PRDM16: variants seen among roughly 807,000 people sequenced by gnomAD.
PRDM16 encodes PR/SET domain 16.
PRDM16 carries 23 observed loss-of-function variants against 110.6 expected under a neutral mutation model. The observed-to-expected ratio is 0.21, with a 90% CI of 0.15 to 0.29. PRDM16 has a LOEUF of 0.29. PRDM16 is among the 10% of genes least tolerant of loss of function. The pLI is 1.00. For missense variants in PRDM16, 1,615 were observed against 1,794.3 expected (o/e 0.90, Z 1.81); for synonymous variants, 799 against 781.8 (o/e 1.02, Z -0.37).
At chr1:3,404,951 C>G (rs1643535161) in intron 7 of PRDM16, 65 bp downstream of exon 7, 3 of 1,544,712 alleles carry the variant, frequency 1.9e-6, no homozygotes, top group Non-Finnish European at 1.7e-6. Flanking sequence ...GGCGCCCGCC[C>G]CCGTGCTCCC....
intron 1 of PRDM16, among the ~76,000 whole-genome samples, chr1:3,147,032 G>A (rs1052332519): frequency 3.5e-4 from 42 of 120,994 alleles, no homozygotes; most frequent in East Asian, 9.7e-4. Flanking sequence ...GTGTGTGCTC[G>A]GTGTGGGGTG....
At position 3,382,849 on chromosome 1, in the gene PRDM16, C is replaced by T. The variant is rs538775898; in HGVS notation, c.439-2303C>T. 1.2e-4 allele frequency among the ~76,000 whole-genome samples: 18 copies of T among 152,330 alleles called. No individual in the cohort carries two copies. The highest frequency in any genetic ancestry group is 3.4e-4 in the African/African-American group (14 of 41,570). ...AGGCACTGTGTACAATGTGCTGTGA[C>T]GTCAGCAGGCCTCTATGGAGAAGTG... On this transcript the variant is annotated intron_variant, in intron 3 of 16. Transcript: ENST00000270722. This position sits in a 1 kb window ranked among gnomAD's most constrained non-coding sequence, Gnocchi z 6.6.
chr1:3,361,665 C>T (rs1642715851), intron 3 of PRDM16, among the ~76,000 whole-genome samples: 1 of 152,170 alleles, frequency 6.6e-6, no homozygotes, highest in Non-Finnish European at 1.5e-5. Flanking sequence ...TGGAGAAGAC[C>T]CCACATGGGC....
intron 4 of PRDM16, among the ~76,000 whole-genome samples, chr1:3,395,193 G>A (rs1643367213): frequency 6.6e-6 from 1 of 151,842 alleles, no homozygotes; most frequent in Non-Finnish European, 1.5e-5. Flanking sequence ...GGGACATGGG[G>A]GAGGAGCATG....
chr1:3,420,835 C>G (rs1638405469), intron 12 of PRDM16, among the ~76,000 whole-genome samples: 1 of 152,136 alleles, frequency 6.6e-6, no homozygotes, highest in Non-Finnish European at 1.5e-5. Context: ...AGGGGCTGCT[C>G]CTTGGTCTTC....
chr1:3,331,744 TG>T (rs1331265163), intron 3 of PRDM16, among the ~76,000 whole-genome samples: 1 of 152,214 alleles, frequency 6.6e-6, no homozygotes, highest in African/African-American at 2.4e-5. Flanking sequence ...GCTCCTGGGC[TG>T]CGTCCTGGGC....
chr1:3,324,753 G>A (rs1274174190), intron 3 of PRDM16, among the ~76,000 whole-genome samples: 1 of 144,974 alleles, frequency 6.9e-6, no homozygotes, highest in Admixed American at 6.9e-5. Flanking sequence ...CCTTGATTCC[G>A]TCATCACCCC....
chr1:3,204,055 G>A (rs1638693719), intron 2 of PRDM16, among the ~76,000 whole-genome samples: 1 of 152,240 alleles, frequency 6.6e-6, no homozygotes, highest in Admixed American at 6.5e-5. Flanking sequence ...TATAGGTCCA[G>A]AAGTGATTAG....
At chr1:3,093,563 C>G (rs958268223) in intron 1 of PRDM16, among the ~76,000 whole-genome samples, 5 of 152,150 alleles carry the variant, frequency 3.3e-5, no homozygotes, top group Admixed American at 1.3e-4. Flanking sequence ...GGCATCTCCA[C>G]TGTGTGTCTG....
intron 2 of PRDM16, among the ~76,000 whole-genome samples, chr1:3,224,771 G>C (rs1334109414): frequency 6.6e-6 from 1 of 152,250 alleles, no homozygotes. Context: ...TGTGAAGCCA[G>C]GCGGGAGGAT....
At chr1:3,344,146 G>C (rs904181078) in intron 3 of PRDM16, among the ~76,000 whole-genome samples, 7 of 152,038 alleles carry the variant, frequency 4.6e-5, no homozygotes, top group Admixed American at 4.6e-4. Context: ...AGACCAGCCT[G>C]GACAACATAA....
At chr1:3,289,955 C>T (rs992337514) in intron 3 of PRDM16, among the ~76,000 whole-genome samples, 16 of 151,836 alleles carry the variant, frequency 1.1e-4, no homozygotes, top group Non-Finnish European at 2.2e-4. Flanking sequence ...ACCTCAATCC[C>T]TCCAGGGCAC....
intron 2 of PRDM16, among the ~76,000 whole-genome samples, chr1:3,192,143 T>C (rs1397312903): frequency 6.6e-6 from 1 of 152,202 alleles, no homozygotes; most frequent in Admixed American, 6.5e-5. Context: ...CAGGAGATTG[T>C]GTGTGAGCTT....
intron 2 of PRDM16, among the ~76,000 whole-genome samples, chr1:3,219,993 G>A (rs1454623388): frequency 1.3e-5 from 2 of 152,190 alleles, no homozygotes; most frequent in Non-Finnish European, 2.9e-5. Context: ...TTGGCGCTGA[G>A]GTAATAATGA....
intron 1 of PRDM16, among the ~76,000 whole-genome samples, chr1:3,103,825 G>C (rs1229789146): frequency 6.6e-6 from 1 of 152,116 alleles, no homozygotes; most frequent in Non-Finnish European, 1.5e-5. Context: ...GATTTCAAGA[G>C]AATAAAATCC....
chr1:3,110,954 C>T (rs1642777855), intron 1 of PRDM16, among the ~76,000 whole-genome samples: 1 of 152,310 alleles, frequency 6.6e-6, no homozygotes, highest in African/African-American at 2.4e-5. Flanking sequence ...CCAGAGATTG[C>T]CCGGTTCTGG....
intron 3 of PRDM16, among the ~76,000 whole-genome samples, chr1:3,344,751 T>A (rs1421184890): frequency 6.6e-6 from 1 of 152,150 alleles, no homozygotes; most frequent in African/African-American, 2.4e-5. Flanking sequence ...CTTTATTAGG[T>A]TGGGTCTTCT....
intron 3 of PRDM16, among the ~76,000 whole-genome samples, chr1:3,381,722 C>T (rs1463499405): frequency 6.6e-6 from 1 of 152,164 alleles, no homozygotes; most frequent in African/African-American, 2.4e-5. Flanking sequence ...AACCAGGCCC[C>T]AGGAGAACCC....
intron 1 of PRDM16, among the ~76,000 whole-genome samples, chr1:3,106,801 T>A (rs1254730994): frequency 1.3e-5 from 2 of 152,164 alleles, no homozygotes; most frequent in African/African-American, 2.4e-5. Flanking sequence ...TGGGCTGGCA[T>A]TGGAAGGTAA....
Sources: allele counts gnomAD v4.1 joint callset (sites outside exome capture counted in the v4.1 genomes callset), GRCh38; gene constraint gnomAD v4.1.1; non-coding constraint Gnocchi (gnomAD v3.1); transcripts MANE v1.5; gene names NCBI Gene and HGNC (gene_info 2026-07-23, HGNC 2026-07-21).